Variants in DPP10 observed in about 807,000 individuals in gnomAD.
DPP10 encodes dipeptidyl peptidase like 10, also known as inactive dipeptidyl peptidase 10.
In DPP10, 33 loss-of-function variants were observed where a neutral mutation model predicts 120.9. That is an observed-to-expected ratio of 0.27 (90% CI 0.21 to 0.37). DPP10 has a LOEUF of 0.37. Ranked by LOEUF, DPP10 falls within the 10% of genes least tolerant of loss-of-function variation. The pLI is 1.00. For missense variants in DPP10, 816 were observed against 942.8 expected, an observed-to-expected ratio of 0.87 and a Z score of 1.76; for synonymous variants, 337 against 326.1, an observed-to-expected ratio of 1.03 and a Z score of -0.36.
At chr2:115,455,456 GA>G (rs1018402677) in intron 3 of DPP10, among the ~76,000 whole-genome samples, 41 of 152,082 alleles carry the variant, frequency 2.7e-4, no homozygotes, top group Middle Eastern at 6.8e-3. Context: ...CACAGAATTG[GA>G]AAAAACTATT....
At chr2:114,735,564 T>G (rs1677346150) in intron 1 of DPP10, among the ~76,000 whole-genome samples, 1 of 152,142 alleles carries the variant, frequency 6.6e-6, no homozygotes, top group African/African-American at 2.4e-5. Context: ...CTTTTCCTTT[T>G]TTCTAATGAC....
chr2:115,174,680 T>C (rs1021316656), intron 1 of DPP10, among the ~76,000 whole-genome samples: 2 of 152,220 alleles, frequency 1.3e-5, no homozygotes, highest in African/African-American at 4.8e-5. Context: ...TGTATAGTTA[T>C]ACTTGTTTTT....
At chr2:114,733,568 T>C (rs1677126451) in intron 1 of DPP10, among the ~76,000 whole-genome samples, 2 of 152,172 alleles carry the variant, frequency 1.3e-5, no homozygotes, top group Admixed American at 6.5e-5. Flanking sequence ...TTTGTTCTTT[T>C]GTTTAAAATG....
At chr2:115,769,667 A>G (rs1391211992) in intron 13 of DPP10, among the ~76,000 whole-genome samples, 1 of 152,002 alleles carries the variant, frequency 6.6e-6, no homozygotes, top group East Asian at 1.9e-4. Context: ...ATGCATTTAT[A>G]TATGCATTTA....
intron 5 of DPP10, among the ~76,000 whole-genome samples, chr2:115,667,619 T>C (rs1451053548): frequency 6.6e-6 from 1 of 152,116 alleles, no homozygotes; most frequent in Non-Finnish European, 1.5e-5. Flanking sequence ...CATTGCTTGT[T>C]TTTGTTGACT....
At chr2:114,689,926 G>A (rs749708832) in intron 1 of DPP10, among the ~76,000 whole-genome samples, 3 of 151,402 alleles carry the variant, frequency 2.0e-5, no homozygotes, top group Middle Eastern at 3.4e-3. Context: ...TTTTTAATGG[G>A]GTTGTTTGTT....
chr2:114,675,559 T>TG (rs1698613330), intron 1 of DPP10, among the ~76,000 whole-genome samples: 1 of 152,092 alleles, frequency 6.6e-6, no homozygotes, highest in Non-Finnish European at 1.5e-5. Context: ...CGATAACAAA[T>TG]GAACCACATA....
intron 1 of DPP10, among the ~76,000 whole-genome samples, chr2:114,597,647 A>T (rs921916456): frequency 3.9e-5 from 6 of 152,004 alleles, no homozygotes; most frequent in African/African-American, 1.4e-4. Flanking sequence ...GCTCTCCTCC[A>T]TGAATCCCAC....
chr2:114,644,183 C>T (rs1695938256), intron 1 of DPP10, among the ~76,000 whole-genome samples: 2 of 150,000 alleles, frequency 1.3e-5, no homozygotes, highest in African/African-American at 5.0e-5. Context: ...ACTTCGTGAA[C>T]TGCCTGCCTC....
At chr2:115,154,624 G>A (rs1339430964) in intron 1 of DPP10, among the ~76,000 whole-genome samples, 1 of 152,086 alleles carries the variant, frequency 6.6e-6, no homozygotes, top group Non-Finnish European at 1.5e-5. Flanking sequence ...TATAGGAGAT[G>A]CTAATAGAGC....
intron 1 of DPP10, among the ~76,000 whole-genome samples, chr2:114,547,630 T>C (rs1023813510): frequency 6.6e-6 from 1 of 152,146 alleles, no homozygotes; most frequent in Non-Finnish European, 1.5e-5. Flanking sequence ...TATGCCTGTG[T>C]GTATGTGTTT....
intron 1 of DPP10, among the ~76,000 whole-genome samples, chr2:115,191,083 GA>G (rs1246606194): frequency 6.6e-6 from 1 of 152,178 alleles, no homozygotes; most frequent in Admixed American, 6.5e-5. Context: ...CTATACTATA[GA>G]AATGGCTTAA....
intron 1 of DPP10, among the ~76,000 whole-genome samples, chr2:114,511,341 CT>C (rs1211489436): frequency 6.6e-6 from 1 of 152,158 alleles, no homozygotes; most frequent in East Asian, 1.9e-4. Flanking sequence ...GAAAGACAAG[CT>C]TATGGAGCAG....
chr2:115,132,870 C>G (rs989563279), intron 1 of DPP10, among the ~76,000 whole-genome samples: 2 of 152,014 alleles, frequency 1.3e-5, no homozygotes, highest in African/African-American at 4.8e-5. Context: ...TCCTTTACAT[C>G]TTGATTTATA....
Position 115,309,295 on chromosome 2 carries a change from G to C in DPP10, c.117G>C (p.Leu39=), listed in dbSNP as rs775794259. 2.5e-6 allele frequency: 4 copies of C among 1,613,284 alleles called. No individual in the cohort carries two copies. Among genetic ancestry groups the C allele is most frequent in the African/African-American group, 2.7e-5 (2 of 74,824 alleles). ...ACTGGAAGGGAATTGCTATTGCTCT[G>C]CTGGTGATTTTAGTTGTATGCTCAC... is the stretch of plus-strand genomic sequence containing the variant. The part of the protein sequence containing the change: ...QRNWKGIAIA[L]LVILVVCSLI... The change falls in exon 2 of 26, where the codon CTG becomes CTC. Residue 39 remains leucine (L), a synonymous_variant. Coordinates refer to ENST00000410059, the MANE Select transcript of DPP10 (RefSeq NM_020868.6).
intron 5 of DPP10, among the ~76,000 whole-genome samples, chr2:115,684,417 A>G (rs1463114622): frequency 6.6e-6 from 1 of 151,806 alleles, no homozygotes; most frequent in African/African-American, 2.4e-5. Flanking sequence ...GCATCATTGT[A>G]TTACTGACTT....
intron 5 of DPP10, among the ~76,000 whole-genome samples, chr2:115,633,958 G>C (rs933678550): frequency 9.2e-5 from 14 of 152,030 alleles, no homozygotes; most frequent in South Asian, 4.2e-4. Flanking sequence ...TAATCTCATA[G>C]TTCTTGGAGG....
In DPP10 at chr2:114,637,229, C is replaced by T. The variant is rs187871213; in HGVS notation, c.60+194391C>T. Among the ~76,000 whole-genome samples, 701 of 151,870 alleles carry T rather than the reference C, an allele frequency of 4.6e-3. 14 individuals carry two copies. The highest frequency in any genetic ancestry group is 2.7e-3 in the Non-Finnish European group (187 of 68,012). ...CAGTATAATATAAATAATTATATTT[C>T]GTTAATGCTTTTTACCACATAGGTG... is the stretch of plus-strand genomic sequence containing the variant. On this transcript the variant is annotated intron_variant, in intron 1 of 25. Transcript: ENST00000410059.
intron 5 of DPP10, among the ~76,000 whole-genome samples, chr2:115,659,987 A>G (rs1166085238): frequency 6.6e-6 from 1 of 152,214 alleles, no homozygotes; most frequent in Non-Finnish European, 1.5e-5. Context: ...ATCTAAGGAA[A>G]TAAATCCATG....
Sources: gnomAD v4.1 joint callset for allele counts (sites outside exome capture counted in the v4.1 genomes callset) on GRCh38, gnomAD v4.1.1 for gene constraint, MANE v1.5 for transcripts, NCBI Gene and HGNC (gene_info 2026-07-23, HGNC 2026-07-21) for gene names.